Variants in ADAMTS4 observed in about 807,000 individuals in gnomAD.
The protein encoded by ADAMTS4 is ADAM metallopeptidase with thrombospondin type 1 motif 4, also known as A disintegrin and metalloproteinase with thrombospondin motifs 4.
A neutral mutation model predicts 66.7 loss-of-function variants in ADAMTS4; 38 were observed. That is an observed-to-expected ratio of 0.57 (90% CI 0.44 to 0.75). The LOEUF (loss-of-function observed/expected upper bound fraction) is 0.75. Among genes scored for constraint, ADAMTS4 ranks in the 30% least tolerant of loss-of-function variants. The pLI is 0.00. For synonymous variants in ADAMTS4, 418 were observed against 461.5 expected (o/e 0.91, Z 1.21); for missense variants, 1,014 against 1,116.7 (o/e 0.91, Z 1.31).
rs780697413 is a variant in ADAMTS4 at position 161,193,346 on chromosome 1, C to A, written c.1778G>T (p.Arg593Leu). ...REEQCAAYNH[R>L]TDLFKSFPGP... ...TGGGAAGCTCTTGAAGAGGTCGGTG[C>A]GGTGGTTGTAGGCAGCACACTGCTC... Residue 593 changes from arginine to leucine, a missense_variant, in exon 7 of 9, where the codon CGC becomes CTC. Coordinates refer to ENST00000367996, the MANE Select transcript of ADAMTS4 (RefSeq NM_005099.6). The surrounding 1 kb of genome is among the most constrained non-coding windows in gnomAD (Gnocchi z 4.4). The A allele has an allele frequency of 3.1e-6, 5 of 1,613,968 alleles. No homozygotes were observed. Among genetic ancestry groups the A allele is most frequent in the Non-Finnish European group, 2.5e-6 (3 of 1,179,964 alleles).
Position 161,196,299 on chromosome 1 carries a change from A to G in ADAMTS4, c.962T>C (p.Leu321Pro). 1.9e-6 allele frequency: 3 copies of G among 1,610,662 alleles called. No homozygotes were observed. Reference protein sequence around the residue: ...DTAILFTRQDLCGVSTCDTLG... With the variant: ...DTAILFTRQDPCGVSTCDTLG... ...CGTGTCGCAAGTGGAGACTCCACAC[A>G]GGTCCTGTGGAGAGGGATCATAGAA... The change falls in exon 3 of 9, where the codon CTG (leucine) becomes CCG (proline). Residue 321 changes from leucine (L) to proline (P), a missense_variant. Physicochemically the swap from Leu to Pro is moderately conservative, Grantham distance 98. Transcript: ENST00000367996.
rs912412311 is a variant in ADAMTS4, at chr1:161,198,427, G to C, written c.201C>G (p.Leu67=). 8.2e-6 allele frequency: 13 copies of C among 1,594,626 alleles called. No homozygotes were observed. Residue 67 remains leucine, a synonymous_variant, in exon 1 of 9, where the codon CTC becomes CTG. Transcript: ENST00000367996. The surrounding 1 kb of genome is among the most constrained non-coding windows in gnomAD (Gnocchi z 4.7). The stretch of plus-strand genomic sequence containing the variant: ...CCGAGCCAGGCAGGACGCTGCCGTT[G>C]AGCTTCTCTGGAAACACGATCTCCT... ...REEEIVFPEK[L]NGSVLPGSGA...
In ADAMTS4 at chr1:161,191,518, T is replaced by C; in HGVS notation, c.2134A>G (p.Ile712Val). Residue 712 changes from isoleucine (I) to valine (V), a missense_variant, in exon 9 of 9, where the codon ATT becomes GTT. Transcript: ENST00000367996. ...GGGTTTCCCTGCTGCCGGACAAGAA[T>C]GTGGGTGGCCCCCGCGGGGATAGTG... ...VVTIPAGATH[I>V]LVRQQGNPGH... 3 of 1,613,992 alleles carry C rather than the reference T, an allele frequency of 1.9e-6. No individual in the cohort carries two copies. Among genetic ancestry groups the C allele is most frequent in the Non-Finnish European group, 2.5e-6 (3 of 1,179,898 alleles).
In ADAMTS4 at chr1:161,191,326, G is replaced by A. The variant is rs760726172; in HGVS notation, c.2326C>T (p.Pro776Ser). 19 of 1,613,874 alleles carry A rather than the reference G, an allele frequency of 1.2e-5. 1 individual carries two copies. In the South Asian group the frequency reaches 2.0e-4, roughly 17 times the overall value. The change falls in exon 9 of 9, where the codon CCA becomes TCA. Residue 776 changes from proline to serine, a missense_variant. By Grantham distance (74) the Pro-to-Ser change is moderately conservative. Transcript: ENST00000367996. ...AASETLSGHGPLAQPLTLQVL... is the reference protein window; with the variant it reads ...AASETLSGHGSLAQPLTLQVL... ...TGCAGTGTCAAAGGCTGGGCCAGTG[G>A]CCCATGGCCTGACAGTGTCTCTGAG...
chr1:161,195,570 T>G lies in ADAMTS4; in HGVS notation c.1156A>C (p.Thr386Pro). 6.2e-7 allele frequency: 1 copy of G among 1,613,774 alleles called. No homozygotes were observed. The highest frequency in any genetic ancestry group is 1.1e-5 in the South Asian group (1 of 91,066). Reference sequence around the variant, plus strand: ...ACAGGGGCCATGACATGGCGAGAGGTGCTCAAAGGCCCATTCAAACTGATG... The same window carrying G: ...ACAGGGGCCATGACATGGCGAGAGGGGCTCAAAGGCCCATTCAAACTGATG... ...PCISLNGPLS[T>P]SRHVMAPVMA... The change falls in exon 4 of 9, where the codon ACC (threonine) becomes CCC (proline). Residue 386 changes from threonine to proline, a missense_variant. By Grantham distance (38) the Thr-to-Pro change is conservative. Transcript: ENST00000367996.
rs1664703233 is a variant in ADAMTS4, at chr1:161,192,325, G to A, written c.1912-85C>T. 19 of 1,372,742 alleles carry A rather than the reference G, an allele frequency of 1.4e-5. 1 individual carries two copies. The South Asian group carries it at 1.8e-4, about 13-fold the overall frequency. The allele number at this position is 1,372,742 out of a possible 1,614,324, so 85.0% of individuals were successfully genotyped here. ...ATCAAACGAGACCCATGTCCCATCAGGGAAGCAATGTTGTCGGAAAAGTTG... is the reference window on the plus strand; with the variant it reads ...ATCAAACGAGACCCATGTCCCATCAAGGAAGCAATGTTGTCGGAAAAGTTG... On this transcript the variant is annotated intron_variant, in intron 7 of 8. Transcript: ENST00000367996.
At position 161,187,042 on chromosome 1, in the gene ADAMTS4, G is replaced by C. The variant is rs1664557793; in HGVS notation, c.*4096C>G. The C allele has an allele frequency of 6.6e-6, 1 of 152,110 alleles. No individual in the cohort carries two copies. Among genetic ancestry groups the C allele is most frequent in the Admixed American group, 6.6e-5 (1 of 15,262 alleles). The allele number at this position is 152,110 out of a possible 1,614,324, so 9.4% of individuals were successfully genotyped here. ...CTCCATGAACATTAAAGGAAAGTGA[G>C]AAGGGCTATCATGATGACCTGTTCT... On this transcript the variant is annotated 3_prime_UTR_variant, in exon 9 of 9. Transcript: ENST00000367996.
chr1:161,184,507 T>G lies in ADAMTS4; in HGVS notation c.*6631A>C, dbSNP rs1480075791. ...GGTAAGTAAGTAGCAAGGCTTAGAT[T>G]CAATTTGACTCCAAAAATCCATGTC... On this transcript the variant is annotated 3_prime_UTR_variant, in exon 9 of 9. Coordinates refer to ENST00000367996, the MANE Select transcript of ADAMTS4 (RefSeq NM_005099.6). 2.0e-5 allele frequency: 3 copies of G among 152,216 alleles called. No individual in the cohort carries two copies. Among genetic ancestry groups the G allele is most frequent in the African/African-American group, 7.2e-5 (3 of 41,432 alleles). The allele number at this position is 152,216 out of a possible 1,614,324, so 9.4% of individuals were successfully genotyped here.
At chr1:161,192,389 C>T in intron 7 of ADAMTS4, 149 bp from the exon 8 acceptor site, 1 of 614,192 alleles carries the variant, frequency 1.6e-6, no homozygotes, top group Non-Finnish European at 2.8e-6. Flanking sequence ...TGCCGGCCAC[C>T]ATGTGGGTGA....
In ADAMTS4 at chr1:161,189,456, A is replaced by C. The variant is rs1664611690; in HGVS notation, c.*1682T>G. ...GTTGTTCTTGTTATTTGTTCTTGTT[A>C]TCCTGCACCTTCATGTTCTTGTCAA... On this transcript the variant is annotated 3_prime_UTR_variant, in exon 9 of 9. Transcript: ENST00000367996. 1 of 152,196 alleles carries C rather than the reference A, an allele frequency of 6.6e-6. No individual in the cohort carries two copies. Among genetic ancestry groups the C allele is most frequent in the African/African-American group, 2.4e-5 (1 of 41,436 alleles). The allele number at this position is 152,196 out of a possible 1,614,324, so 9.4% of individuals were successfully genotyped here.
In ADAMTS4 at chr1:161,193,256, C is replaced by A. The variant is rs371416738; in HGVS notation, c.1868G>T (p.Cys623Phe). 6.2e-7 allele frequency: 1 copy of A among 1,614,008 alleles called. No homozygotes were observed. Among genetic ancestry groups the A allele is most frequent in the African/African-American group, 1.3e-5 (1 of 75,038 alleles). Residue 623 changes from cysteine to phenylalanine, a missense_variant, in exon 7 of 9, where the codon TGC becomes TTC. Cys to Phe is a radical substitution (Grantham distance 205). Coordinates refer to ENST00000367996, the MANE Select transcript of ADAMTS4 (RefSeq NM_005099.6). The surrounding 1 kb of genome is among the most constrained non-coding windows in gnomAD (Gnocchi z 4.4). ...VAPQDQCKLT[C>F]QAQALGYYYV... ...GTAGTAGCCCAGTGCCTGGGCCTGG[C>A]AGGTGAGTTTGCACTGGTCCTGGGG...
rs1664847448 is a variant in ADAMTS4 at position 161,196,559 on chromosome 1, G to A, written c.955C>T (p.Gln319Ter). The A allele has an allele frequency of 6.2e-7, 1 of 1,613,944 alleles. No homozygotes were observed. The highest frequency in any genetic ancestry group is 1.7e-5 in the Admixed American group (1 of 59,988). ...TGCGGTGCTGACTGGGGCCTCACCT[G>A]ACGGGTAAACAGAATGGCTGTGTCA... ...HFDTAILFTR[Q>*]DLCGVSTCDT... Residue 319 changes from glutamine (Q) to a stop codon, truncating the protein, a stop_gained and splice_region_variant, in exon 2 of 9, where the codon CAG becomes TAG. Transcript: ENST00000367996. LOFTEE classifies it high-confidence loss of function.
chr1:161,196,529 T>C (rs1184867264), intron 2 of ADAMTS4, 28 bp downstream of exon 2: 1 of 1,609,072 alleles, frequency 6.2e-7, no homozygotes, highest in African/African-American at 1.3e-5. Flanking sequence ...GTGCAGTGCA[T>C]GGCCTGCGGT....
Position 161,191,208 on chromosome 1 carries a change from T to G in ADAMTS4, c.2444A>C (p.Gln815Pro). The G allele has an allele frequency of 6.2e-7, 1 of 1,610,142 alleles. No individual in the cohort carries two copies. The highest frequency in any genetic ancestry group is 8.5e-7 in the Non-Finnish European group (1 of 1,177,368). Reference sequence around the variant, plus strand: ...CTGTGCTCTTCGGTGCAGCCAGTCCTGGGGAGTGGGGCGTGGCGTTGAAGG... The same window carrying G: ...CTGTGCTCTTCGGTGCAGCCAGTCCGGGGGAGTGGGGCGTGGCGTTGAAGG... The part of the protein sequence containing the change: ...PTPSTPRPTP[Q>P]DWLHRRAQIL... The change falls in exon 9 of 9, where the codon CAG becomes CCG. Residue 815 changes from glutamine (Q) to proline (P), a missense_variant. By Grantham distance (76) the Gln-to-Pro change is moderately conservative (BLOSUM62 -1). Transcript: ENST00000367996.
At position 161,198,061 on chromosome 1, in the gene ADAMTS4, A is replaced by G. The variant is rs776809346; in HGVS notation, c.567T>C (p.Gly189=). 6.8e-6 allele frequency: 11 copies of G among 1,607,982 alleles called. No homozygotes were observed. Among genetic ancestry groups the G allele is most frequent in the Non-Finnish European group, 9.4e-6 (11 of 1,175,940 alleles). Residue 189 remains glycine (G), a synonymous_variant, in exon 1 of 9, where the codon GGT becomes GGC. Coordinates refer to ENST00000367996, the MANE Select transcript of ADAMTS4 (RefSeq NM_005099.6). The surrounding 1 kb of genome is among the most constrained non-coding windows in gnomAD (Gnocchi z 4.7). The part of the protein sequence containing the change: ...HILRRKSPAS[G]QGPMCNVKAP... ...CCTTGACGTTGCACATGGGACCTTG[A>G]CCGCTGGCAGGACTCTTCCGGCGTA... is the stretch of plus-strand genomic sequence containing the variant.
rs968294183 is a variant in ADAMTS4 at position 161,198,773 on chromosome 1, C to G, written c.-146G>C. On this transcript the variant is annotated 5_prime_UTR_variant, in exon 1 of 9. Transcript: ENST00000367996. The surrounding 1 kb of genome is among the most constrained non-coding windows in gnomAD (Gnocchi z 4.7). ...CAAAGTTTTCAGAAGGGCTGAGGAC[C>G]GTTAAAGGAAATGGAGAAAACTTAG... 3 of 721,936 alleles carry G rather than the reference C, an allele frequency of 4.2e-6. No individual in the cohort carries two copies. The South Asian group carries it at 7.2e-5, about 17-fold the overall frequency. The allele number at this position is 721,936 out of a possible 1,614,324, so 44.7% of individuals were successfully genotyped here. A position where few individuals can be genotyped will look rare whatever the true frequency, so the allele number is the denominator to read the frequency against.
rs1664567424 is a variant in ADAMTS4 at position 161,187,661 on chromosome 1, C to T, written c.*3477G>A. On this transcript the variant is annotated 3_prime_UTR_variant, in exon 9 of 9. Transcript: ENST00000367996. ...CCACTACAACCTCCATGGCCTGCCT[C>T]AACCCCATAGTCCCAGCTTCACATT... 1 of 152,382 alleles carries T rather than the reference C, an allele frequency of 6.6e-6. No individual in the cohort carries two copies. The highest frequency in any genetic ancestry group is 1.5e-5 in the Non-Finnish European group (1 of 68,184). 9.4% of individuals were successfully genotyped at this position (152,382 alleles called of 1,614,324 possible).
chr1:161,196,059 C>T, intron 3 of ADAMTS4, 112 bp downstream of exon 3: 16 of 1,350,612 alleles, frequency 1.2e-5, no homozygotes, highest in Non-Finnish European at 1.6e-5. Flanking sequence ...TAGCCCTATA[C>T]CTAGGCCTGG....
At chr1:161,196,080 C>A in intron 3 of ADAMTS4, 91 bp downstream of exon 3, 1 of 1,465,142 alleles carries the variant, frequency 6.8e-7, no homozygotes, top group African/African-American at 1.4e-5. Flanking sequence ...GGGAAGAATA[C>A]CTTGGGACCC....
Sources: gnomAD v4.1 joint callset for allele counts on GRCh38, gnomAD v4.1.1 for gene constraint, Gnocchi (gnomAD v3.1) non-coding constraint, MANE v1.5 for transcripts, NCBI Gene and HGNC (gene_info 2026-07-23, HGNC 2026-07-21) for gene names.